The following PHACTR2 variants were observed in gnomAD, a reference collection of about 807,000 sequenced individuals.
The protein encoded by PHACTR2 is chromosome 6 open reading frame 56.
Under a neutral mutation model 76.0 loss-of-function variants are expected in PHACTR2, and 30 were observed. That is an observed-to-expected ratio of 0.39 (90% CI 0.30 to 0.54). PHACTR2 has a LOEUF of 0.54. PHACTR2 is among the 20% of genes least tolerant of loss of function. PHACTR2 has a pLI of 0.61. For synonymous variants in PHACTR2, 292 were observed against 292.5 expected (o/e 1.00, Z 0.02); for missense variants, 696 against 781.1 (o/e 0.89, Z 1.30).
chr6:143,673,421 T>C (rs7760907), upstream of PHACTR2, among the ~76,000 whole-genome samples: 2 of 152,214 alleles, frequency 1.3e-5, no homozygotes, highest in Admixed American at 1.3e-4. Flanking sequence ...GTACCCTCTA[T>C]TTGCCAGGCA....
intron 9 of PHACTR2, among the ~76,000 whole-genome samples, chr6:143,781,066 T>G (rs192769808): frequency 1.3e-5 from 2 of 152,248 alleles, no homozygotes; most frequent in East Asian, 3.9e-4. Flanking sequence ...ATCACTTGAG[T>G]CCTGGAGATC....
rs1229682429 is a variant in PHACTR2, at chr6:143,793,413, C to T, written c.1845+4503C>T. On this transcript the variant is annotated intron_variant, in intron 11 of 12. Transcript: ENST00000440869. The surrounding 1 kb of genome is among the most constrained non-coding windows in gnomAD (Gnocchi z 4.4). ...GAAGGCATATGACTTTGACATCTCC[C>T]TTGCAGATCTGAGCCCCAGAGCACA... Among the ~76,000 whole-genome samples, 1 of 152,076 alleles carries T rather than the reference C, an allele frequency of 6.6e-6. No homozygotes were observed. The highest frequency in any genetic ancestry group is 1.5e-5 in the Non-Finnish European group (1 of 68,020).
At chr6:143,632,801 T>G (rs1776386155) in intron 1 of PHACTR2, among the ~76,000 whole-genome samples, 1 of 152,194 alleles carries the variant, frequency 6.6e-6, no homozygotes. Flanking sequence ...CACTGACCTT[T>G]TTACTGTCTC....
chr6:143,589,185 T>C lies in PHACTR2; in HGVS notation c.217+51978T>C, dbSNP rs552988460. The stretch of plus-strand genomic sequence containing the variant: ...CTTGGCTTGCAGATGGCTGCTGACA[T>C]GGTTTCGATTTGTGTCCCACCCAAA... On this transcript the variant is annotated intron_variant, in intron 1 of 11. Coordinates refer to the PHACTR2 transcript ENST00000367584. This position sits in a 1 kb window ranked among gnomAD's most constrained non-coding sequence, Gnocchi z 4.4. Among the ~76,000 whole-genome samples, 6 of 152,318 alleles carry C rather than the reference T, an allele frequency of 3.9e-5. No individual in the cohort carries two copies. In the South Asian group the frequency reaches 1.2e-3, roughly 32 times the overall value.
chr6:143,655,014 G>A (rs1347967896), intron 1 of PHACTR2, among the ~76,000 whole-genome samples: 3 of 152,038 alleles, frequency 2.0e-5, no homozygotes, highest in South Asian at 2.1e-4. Flanking sequence ...AAAATTAGCC[G>A]GGTGTGATGG....
Position 143,823,008 on chromosome 6 carries a change from A to G in PHACTR2, c.1923-666A>G, listed in dbSNP as rs116255148. 0.013 allele frequency among the ~76,000 whole-genome samples: 1,943 copies of G among 152,348 alleles called. 28 individuals carry two copies. The highest frequency in any genetic ancestry group is 0.035 in the African/African-American group (1,449 of 41,588). On this transcript the variant is annotated intron_variant, in intron 12 of 12. Coordinates refer to ENST00000440869, the MANE Select transcript of PHACTR2 (RefSeq NM_001100164.2). This position sits in a 1 kb window ranked among gnomAD's most constrained non-coding sequence, Gnocchi z 5.7. ...CAGTTGAGGCAGGACTTGGTGACTAATAGGAAATGCTGGATGAGGGAGAGA... is the reference window on the plus strand; with the variant it reads ...CAGTTGAGGCAGGACTTGGTGACTAGTAGGAAATGCTGGATGAGGGAGAGA...
chr6:143,720,462 TGA>T (rs1373691018), intron 2 of PHACTR2, among the ~76,000 whole-genome samples: 2 of 152,168 alleles, frequency 1.3e-5, no homozygotes, highest in Admixed American at 6.5e-5. Context: ...GGGAAAGCAC[TGA>T]GAGAATCCTG....
In PHACTR2 at chr6:143,730,198, T is replaced by C. The variant is rs9496760; in HGVS notation, c.214+18015T>C. On this transcript the variant is annotated intron_variant, in intron 2 of 12. Coordinates refer to ENST00000440869, the MANE Select transcript of PHACTR2 (RefSeq NM_001100164.2). This position sits in a 1 kb window ranked among gnomAD's most constrained non-coding sequence, Gnocchi z 4.8. ...CCAACTTGTTTTTATTGTTGAAAAA[T>C]TACTGCTGGGGTACTTTTTTTTGGC... is the stretch of plus-strand genomic sequence containing the variant. Among the ~76,000 whole-genome samples, 5,571 of 152,222 alleles carry C rather than the reference T, an allele frequency of 0.037. 325 individuals are homozygous for C. The highest frequency in any genetic ancestry group is 0.13 in the African/African-American group (5,291 of 41,524).
chr6:143,703,636 T>C (rs1283176151), intron 1 of PHACTR2, among the ~76,000 whole-genome samples: 2 of 152,226 alleles, frequency 1.3e-5, no homozygotes, highest in Admixed American at 6.5e-5. Flanking sequence ...TCTGTTCTTT[T>C]ACTCTTAGGG....
chr6:143,602,150 C>G lies in PHACTR2; in HGVS notation c.217+64943C>G, dbSNP rs1425980597. On this transcript the variant is annotated intron_variant, in intron 1 of 11. Transcript: ENST00000367584. This position sits in a 1 kb window ranked among gnomAD's most constrained non-coding sequence, Gnocchi z 6.1. ...CTTTAGTTTTGTTTTCACTCTCGCT[C>G]TCCCCCTCCCTAATAGTTTTATGGT... is the stretch of plus-strand genomic sequence containing the variant. Among the ~76,000 whole-genome samples, 1 of 152,170 alleles carries G rather than the reference C, an allele frequency of 6.6e-6. No individual in the cohort carries two copies. The highest frequency in any genetic ancestry group is 1.5e-5 in the Non-Finnish European group (1 of 68,036).
In PHACTR2 at chr6:143,749,124, T is replaced by C. The variant is rs573277651; in HGVS notation, c.295+59T>C. ...GGTCCTTCATTCTTTGGTTTTTCTT[T>C]TGTTTTCTTTTGAAATTTAAAGGGA... On this transcript the variant is annotated intron_variant, in intron 3 of 12. Transcript: ENST00000440869. The C allele has an allele frequency of 9.3e-6, 8 of 862,314 alleles. No homozygotes were observed. In the East Asian group the frequency reaches 1.3e-4, roughly 14 times the overall value. 53.4% of individuals were successfully genotyped at this position (862,314 alleles called of 1,614,324 possible).
intron 2 of PHACTR2, among the ~76,000 whole-genome samples, chr6:143,719,349 C>CTTTT (rs34643788): frequency 6.9e-5 from 6 of 86,912 alleles, no homozygotes; most frequent in Admixed American, 1.2e-4. Context: ...TTCGACACTT[C>CTTTT]TTTTTTTTTT....
chr6:143,668,269 C>T (rs1029783591), intron 1 of PHACTR2, among the ~76,000 whole-genome samples: 1 of 152,098 alleles, frequency 6.6e-6, no homozygotes, highest in Non-Finnish European at 1.5e-5. Context: ...CTGCTGGATT[C>T]GGTTTGCCAG....
chr6:143,712,539 A>G (rs1360879497), intron 2 of PHACTR2, among the ~76,000 whole-genome samples: 2 of 151,636 alleles, frequency 1.3e-5, no homozygotes, highest in African/African-American at 4.8e-5. Flanking sequence ...ATGATGTTAT[A>G]TATTTAGTTA....
chr6:143,705,932 A>G (rs1778043972), intron 1 of PHACTR2, among the ~76,000 whole-genome samples: 1 of 152,240 alleles, frequency 6.6e-6, no homozygotes, highest in Non-Finnish European at 1.5e-5. Context: ...AGGGTTATGT[A>G]TATAAATTAT....
rs1270529879 is a variant in PHACTR2 at position 143,648,266 on chromosome 6, G to A, written c.13+39944G>A. ...AGAAGGGCAGGGCCTAGGAAACATGGTGGAAGTTTTGAGATAAAAATATTG... is the reference window on the plus strand; with the variant it reads ...AGAAGGGCAGGGCCTAGGAAACATGATGGAAGTTTTGAGATAAAAATATTG... On this transcript the variant is annotated intron_variant, in intron 1 of 11. Transcript: ENST00000305766. The surrounding 1 kb of genome is among the most constrained non-coding windows in gnomAD (Gnocchi z 6.7). 6.6e-6 allele frequency among the ~76,000 whole-genome samples: 1 copy of A among 152,196 alleles called. No homozygotes were observed. Among genetic ancestry groups the A allele is most frequent in the Non-Finnish European group, 1.5e-5 (1 of 68,046 alleles).
chr6:143,818,879 T>G lies in PHACTR2; in HGVS notation c.1923-4795T>G, dbSNP rs1386216275. ...ACAGCCAAACCATATCAATTTGCCT[T>G]TCACATTGTATATAAAATATTTGAT... is the stretch of plus-strand genomic sequence containing the variant. On this transcript the variant is annotated intron_variant, in intron 12 of 12. Coordinates refer to ENST00000440869, the MANE Select transcript of PHACTR2 (RefSeq NM_001100164.2). This position sits in a 1 kb window ranked among gnomAD's most constrained non-coding sequence, Gnocchi z 4.9. 2.0e-5 allele frequency among the ~76,000 whole-genome samples: 3 copies of G among 152,222 alleles called. No individual in the cohort carries two copies. Among genetic ancestry groups the G allele is most frequent in the Non-Finnish European group, 4.4e-5 (3 of 68,044 alleles).
rs933543736 is a variant in PHACTR2, at chr6:143,608,604, A to C, written c.13+282A>C. Among the ~76,000 whole-genome samples, 1 of 152,206 alleles carries C rather than the reference A, an allele frequency of 6.6e-6. No homozygotes were observed. Among genetic ancestry groups the C allele is most frequent in the African/African-American group, 2.4e-5 (1 of 41,430 alleles). ...TGTGGTGTTTGATTCTTTTGTGCTC[A>C]GAGCGATGGGTGGAAAATGCATACA... On this transcript the variant is annotated intron_variant, in intron 1 of 11. Transcript: ENST00000305766. This position sits in a 1 kb window ranked among gnomAD's most constrained non-coding sequence, Gnocchi z 4.6.
At chr6:143,721,293 G>A (rs1269076561) in intron 2 of PHACTR2, among the ~76,000 whole-genome samples, 1 of 152,140 alleles carries the variant, frequency 6.6e-6, no homozygotes, top group Non-Finnish European at 1.5e-5. Context: ...TTGGAATTAT[G>A]GGTATGCTCC....
Sources: allele counts gnomAD v4.1 joint callset (sites outside exome capture counted in the v4.1 genomes callset), GRCh38; gene constraint gnomAD v4.1.1; non-coding constraint Gnocchi (gnomAD v3.1); transcripts MANE v1.5; gene names NCBI Gene and HGNC (gene_info 2026-07-23, HGNC 2026-07-21).